MIOS: variants seen among roughly 807,000 people sequenced by gnomAD.
The protein encoded by MIOS is meiosis regulator for oocyte development.
MIOS carries 52 observed loss-of-function variants against 96.9 expected under a neutral mutation model. The observed-to-expected ratio is 0.54, with a 90% CI of 0.43 to 0.68. The LOEUF is 0.68. MIOS is among the 30% of genes least tolerant of loss of function. The probability of loss-of-function intolerance (pLI) is 0.00; values close to 1 mark genes in which losing one functional copy is unlikely to be tolerated. For missense variants in MIOS, 1,005 were observed against 1,052.8 expected (o/e 0.95, Z 0.63); for synonymous variants, 397 against 359.5 (o/e 1.10, Z -1.18).
chr7:7,587,314 C>A (rs77355089), intron 7 of MIOS, among the ~76,000 whole-genome samples: 16,351 of 152,050 alleles, frequency 0.11, 1,012 homozygotes, highest in Non-Finnish European at 0.14. Flanking sequence ...GCCGCCATGC[C>A]CTGCCCCAGT....
At chr7:7,590,391 T>G (rs1244682593) in intron 9 of MIOS, among the ~76,000 whole-genome samples, 1 of 152,234 alleles carries the variant, frequency 6.6e-6, no homozygotes, top group Non-Finnish European at 1.5e-5. Context: ...TTATGTCTTT[T>G]AAATTAAAGT....
At chr7:7,594,355 A>G (rs1289287431) in intron 9 of MIOS, among the ~76,000 whole-genome samples, 2 of 150,940 alleles carry the variant, frequency 1.3e-5, no homozygotes, top group Admixed American at 6.6e-5. Flanking sequence ...CACCCAGACT[A>G]CAGTGCAACG....
Position 7,606,874 on chromosome 7 carries a change from C to T in MIOS, c.2532-122C>T, listed in dbSNP as rs1044052070. ...GCTGAGGCAGGAGGATCACTTGAGC[C>T]CAAAAGTGTGCGTACAGCCTGGGAA... On this transcript the variant is annotated intron_variant, in intron 12 of 12. Transcript: ENST00000340080. The T allele has an allele frequency of 4.0e-6, 3 of 743,306 alleles. No homozygotes were observed. The South Asian group carries it at 5.0e-5, about 12-fold the overall frequency. The allele number at this position is 743,306 out of a possible 1,614,324, so 46.0% of individuals were successfully genotyped here. A position where few individuals can be genotyped will look rare whatever the true frequency, so the allele number is the denominator to read the frequency against.
intron 9 of MIOS, among the ~76,000 whole-genome samples, chr7:7,592,600 A>G (rs546294626): frequency 6.6e-6 from 1 of 152,106 alleles, no homozygotes; most frequent in Non-Finnish European, 1.5e-5. Flanking sequence ...ATTTTCCTGC[A>G]ACTAGATGGT....
intron 11 of MIOS, among the ~76,000 whole-genome samples, chr7:7,601,070 G>GT (rs140185984): frequency 0.76 from 115,048 of 151,882 alleles, 44,227 homozygotes; most frequent in Admixed American, 0.84. Flanking sequence ...TCAAAGCAGT[G>GT]TTTAGAGGGA....
rs1239809051 is a variant in MIOS, at chr7:7,608,710, G to A, written c.*1618G>A. Reference sequence around the variant, plus strand: ...CAAACTTACTGTCTTAAATATGAAAGTCAGCTTTAAGTAATGTCAGACTCA... The same window carrying A: ...CAAACTTACTGTCTTAAATATGAAAATCAGCTTTAAGTAATGTCAGACTCA... On this transcript the variant is annotated 3_prime_UTR_variant, in exon 13 of 13. Transcript: ENST00000340080. 1 of 151,814 alleles carries A rather than the reference G, an allele frequency of 6.6e-6. No homozygotes were observed. Among genetic ancestry groups the A allele is most frequent in the African/African-American group, 2.4e-5 (1 of 41,338 alleles). 9.4% of individuals were successfully genotyped at this position (151,814 alleles called of 1,614,324 possible).
In MIOS at chr7:7,583,139, A is replaced by G. The variant is rs1472022610; in HGVS notation, c.1415A>G (p.His472Arg). The G allele has an allele frequency of 2.5e-6, 4 of 1,613,198 alleles. No individual in the cohort carries two copies. Among genetic ancestry groups the G allele is most frequent in the South Asian group, 1.1e-5 (1 of 90,882 alleles). Residue 472 changes from histidine to arginine, a missense_variant, in exon 6 of 13, where the codon CAT (histidine) becomes CGT (arginine). Around this residue, in one of 3 missense-constraint regions of MIOS, gnomAD observed 865 missense variants for 887.9 expected, o/e 0.97. Transcript: ENST00000340080. The stretch of plus-strand genomic sequence containing the variant: ...TTAGGAATGGTGGAAAGCAGCAGAC[A>G]TAATTGGAGTGGGTTGGATAAGCAA... ...SSLGMVESSR[H>R]NWSGLDKQSD... is the part of the protein sequence containing the mutation.
intron 5 of MIOS, among the ~76,000 whole-genome samples, chr7:7,576,616 G>A (rs906213757): frequency 6.6e-6 from 1 of 152,158 alleles, no homozygotes; most frequent in Non-Finnish European, 1.5e-5. Context: ...AAGGTAAGCA[G>A]TGGGCTAACT....
intron 3 of MIOS, among the ~76,000 whole-genome samples, chr7:7,569,794 G>A (rs1173169373): frequency 6.6e-6 from 1 of 152,150 alleles, no homozygotes; most frequent in South Asian, 2.1e-4. Context: ...AGGTTGAGCA[G>A]GTATTAACTT....
intron 3 of MIOS, among the ~76,000 whole-genome samples, chr7:7,568,406 A>C (rs1465940014): frequency 6.6e-6 from 1 of 152,080 alleles, no homozygotes; most frequent in Admixed American, 6.5e-5. Context: ...CTGACTCTAG[A>C]TTGTTTTCTT....
In MIOS at chr7:7,572,059, G is replaced by T. The variant is rs540364599; in HGVS notation, c.-40-377G>T. 6.6e-6 allele frequency among the ~76,000 whole-genome samples: 1 copy of T among 152,258 alleles called. No individual in the cohort carries two copies. Among genetic ancestry groups the T allele is most frequent in the African/African-American group, 2.4e-5 (1 of 41,548 alleles). On this transcript the variant is annotated intron_variant, in intron 3 of 12. Coordinates refer to ENST00000340080, the MANE Select transcript of MIOS (RefSeq NM_019005.4). This position sits in a 1 kb window ranked among gnomAD's most constrained non-coding sequence, Gnocchi z 4.8. ...AGTGCTGCTTTAAACTATTGCTTAG[G>T]AATATGATTCATAAGTTTTCCCCCC...
Position 7,572,399 on chromosome 7 carries a change from T to C in MIOS, c.-40-37T>C. The C allele has an allele frequency of 1.8e-6, 2 of 1,086,198 alleles. No individual in the cohort carries two copies. Among genetic ancestry groups the C allele is most frequent in the East Asian group, 2.6e-5 (1 of 38,576 alleles). 67.3% of individuals were successfully genotyped at this position (1,086,198 alleles called of 1,614,324 possible). On this transcript the variant is annotated intron_variant, in intron 3 of 12. Transcript: ENST00000340080. The surrounding 1 kb of genome is among the most constrained non-coding windows in gnomAD (Gnocchi z 4.8). Reference sequence around the variant, plus strand: ...ATTCAACGTAAGAATTATATTTTGCTGATATTTTAAAACTTTTTATTTTTA... The same window carrying C: ...ATTCAACGTAAGAATTATATTTTGCCGATATTTTAAAACTTTTTATTTTTA...
chr7:7,593,982 A>G (rs558184841), intron 9 of MIOS, among the ~76,000 whole-genome samples: 1 of 152,238 alleles, frequency 6.6e-6, no homozygotes, highest in South Asian at 2.1e-4. Context: ...CAACTTTAGG[A>G]AAATTATTAC....
At chr7:7,603,597 C>A (rs987048588) in intron 11 of MIOS, among the ~76,000 whole-genome samples, 1 of 152,162 alleles carries the variant, frequency 6.6e-6, no homozygotes, top group Non-Finnish European at 1.5e-5. Context: ...AATAGGAACA[C>A]TTTTACACTG....
chr7:7,582,256 T>C (rs1339241548), intron 5 of MIOS, among the ~76,000 whole-genome samples: 1 of 152,218 alleles, frequency 6.6e-6, no homozygotes, highest in Non-Finnish European at 1.5e-5. Context: ...CATAATTTAG[T>C]TTATTCTGAA....
intron 7 of MIOS, 42 bp downstream of exon 7, chr7:7,585,847 T>C: frequency 2.0e-6 from 3 of 1,496,386 alleles, no homozygotes; most frequent in Non-Finnish European, 2.7e-6. Context: ...TGAATTAAGA[T>C]AGGAGTTTTT....
chr7:7,591,006 C>T (rs939072247), intron 9 of MIOS, among the ~76,000 whole-genome samples: 19 of 152,084 alleles, frequency 1.2e-4, no homozygotes, highest in African/African-American at 4.6e-4. Context: ...GTTTTTTTAA[C>T]AGTCATTTGT....
chr7:7,607,263 C>G lies in MIOS; in HGVS notation c.*171C>G. On this transcript the variant is annotated 3_prime_UTR_variant, in exon 13 of 13. Transcript: ENST00000340080. ...GTTTGAGTGATTTTGATATGCTTCA[C>G]AGAGACAAATGCTGCCAAAATAAAC... is the stretch of plus-strand genomic sequence containing the variant. 1 of 523,778 alleles carries G rather than the reference C, an allele frequency of 1.9e-6. No homozygotes were observed. The highest frequency in any genetic ancestry group is 3.3e-6 in the Non-Finnish European group (1 of 301,286). The allele number at this position is 523,778 out of a possible 1,614,324, so 32.4% of individuals were successfully genotyped here.
chr7:7,585,710 A>G lies in MIOS; in HGVS notation c.1723A>G (p.Met575Val), dbSNP rs1783867456. The G allele has an allele frequency of 6.2e-7, 1 of 1,612,032 alleles. No individual in the cohort carries two copies. The highest frequency in any genetic ancestry group is 8.5e-7 in the Non-Finnish European group (1 of 1,179,130). Residue 575 changes from methionine to valine, a missense_variant, in exon 7 of 13, where the codon ATG becomes GTG. By Grantham distance (21) the Met-to-Val change is conservative. This residue lies in a region of MIOS where 865 missense variants were observed against 887.9 expected (regional missense o/e 0.97). Transcript: ENST00000340080. ...TGAGAAGAACTCCCTTTGGAGAGAAATGTGTAGCACACTGCGATTACAGCT... is the reference window on the plus strand; with the variant it reads ...TGAGAAGAACTCCCTTTGGAGAGAAGTGTGTAGCACACTGCGATTACAGCT... ...TDEKNSLWRE[M>V]CSTLRLQLNN...
Sources: allele counts gnomAD v4.1 joint callset (sites outside exome capture counted in the v4.1 genomes callset), GRCh38; gene constraint gnomAD v4.1.1; regional missense constraint gnomAD v4.1.1; non-coding constraint Gnocchi (gnomAD v3.1); transcripts MANE v1.5; gene names NCBI Gene and HGNC (gene_info 2026-07-23, HGNC 2026-07-21).